The following STAU2 variants were observed in gnomAD, a reference collection of about 807,000 sequenced individuals.
The protein encoded by STAU2 is double-stranded RNA-binding protein Staufen homolog 2.
STAU2 carries 20 observed loss-of-function variants against 65.9 expected under a neutral mutation model. That is an observed-to-expected ratio of 0.30 (90% CI 0.21 to 0.44). The LOEUF (loss-of-function observed/expected upper bound fraction) is 0.44. STAU2 is among the 20% of genes least tolerant of loss of function. The probability of loss-of-function intolerance (pLI) is 1.00; values close to 1 mark genes in which losing one functional copy is unlikely to be tolerated. For synonymous variants in STAU2, 232 were observed against 233.9 expected (o/e 0.99, Z 0.07); for missense variants, 558 against 683.9 (o/e 0.82, Z 2.05).
chr8:73,602,447 G>A (rs940633106), intron 10 of STAU2, among the ~76,000 whole-genome samples: 11 of 152,126 alleles, frequency 7.2e-5, no homozygotes, highest in East Asian at 3.8e-4. Flanking sequence ...AGTGGCTCAC[G>A]CCTGTAATCC....
chr8:73,576,024 T>G (rs1809520135), intron 12 of STAU2, among the ~76,000 whole-genome samples: 1 of 151,978 alleles, frequency 6.6e-6, no homozygotes, highest in Admixed American at 6.6e-5. Context: ...AAATTGAAGG[T>G]AAAAAACGAT....
intron 13 of STAU2, among the ~76,000 whole-genome samples, chr8:73,519,008 T>C (rs1427151770): frequency 1.3e-5 from 2 of 152,350 alleles, no homozygotes; most frequent in South Asian, 2.1e-4. Context: ...TTAATATATC[T>C]GTCTTAGCAC....
At chr8:73,552,380 A>G in intron 12 of STAU2, 61 bp from the exon 13 acceptor site, 1 of 1,420,944 alleles carries the variant, frequency 7.0e-7, no homozygotes, top group South Asian at 1.4e-5. Context: ...GAAACATAGC[A>G]TTATTAACTC....
intron 4 of STAU2, among the ~76,000 whole-genome samples, chr8:73,692,844 C>A (rs1001143657): frequency 3.3e-5 from 5 of 152,266 alleles, no homozygotes; most frequent in East Asian, 1.9e-4. Flanking sequence ...TGGAAAAAAA[C>A]CCCACATATT....
intron 13 of STAU2, among the ~76,000 whole-genome samples, chr8:73,512,091 C>T (rs1456118037): frequency 6.6e-6 from 1 of 152,182 alleles, no homozygotes; most frequent in Non-Finnish European, 1.5e-5. Flanking sequence ...TCTGGACTCT[C>T]AATTCTGTTC....
intron 4 of STAU2, among the ~76,000 whole-genome samples, chr8:73,699,701 C>T (rs1432509546): frequency 6.6e-6 from 1 of 151,766 alleles, no homozygotes; most frequent in African/African-American, 2.4e-5. Flanking sequence ...AAGAAAAGGC[C>T]AGGACCCAAC....
At chr8:73,459,626 A>G (rs1819242569) in intron 13 of STAU2, among the ~76,000 whole-genome samples, 1 of 152,036 alleles carries the variant, frequency 6.6e-6, no homozygotes. Context: ...CAGCCCTACC[A>G]TGTGCAGAGC....
At chr8:73,687,890 T>C (rs527607701) in intron 5 of STAU2, among the ~76,000 whole-genome samples, 2 of 151,658 alleles carry the variant, frequency 1.3e-5, no homozygotes, top group South Asian at 4.2e-4. Context: ...TTTTTTGTAT[T>C]TTTTTAGTAG....
chr8:73,528,352 C>T (rs1161259176), intron 13 of STAU2, among the ~76,000 whole-genome samples: 1 of 152,120 alleles, frequency 6.6e-6, no homozygotes, highest in Non-Finnish European at 1.5e-5. Flanking sequence ...TTGTAATGTG[C>T]AGACCAAAAT....
Position 73,595,211 on chromosome 8 carries a change from T to C in STAU2, c.1116A>G (p.Gln372=). ...KKNAAEAMLL[Q]LGYKASTNLQ... is the part of the protein sequence containing the mutation. ...GATTAGTGGATGCTTTATAACCAAGTTGTAACAGCATTGCTTCTGCAGCAT... is the reference window on the plus strand; with the variant it reads ...GATTAGTGGATGCTTTATAACCAAGCTGTAACAGCATTGCTTCTGCAGCAT... The change falls in exon 11 of 15, where the codon CAA becomes CAG. Residue 372 remains glutamine, a synonymous_variant. Transcript: ENST00000524300. 1 of 1,611,108 alleles carries C rather than the reference T, an allele frequency of 6.2e-7. No individual in the cohort carries two copies. The highest frequency in any genetic ancestry group is 8.5e-7 in the Non-Finnish European group (1 of 1,178,914).
At chr8:73,444,740 G>A (rs1818374573) in intron 13 of STAU2, among the ~76,000 whole-genome samples, 1 of 152,182 alleles carries the variant, frequency 6.6e-6, no homozygotes, top group Non-Finnish European at 1.5e-5. Context: ...TGGCTGTCTG[G>A]CTCACAAAGC....
At chr8:73,463,281 T>C (rs958135183) in intron 13 of STAU2, among the ~76,000 whole-genome samples, 5 of 152,248 alleles carry the variant, frequency 3.3e-5, no homozygotes, top group Admixed American at 3.3e-4. Flanking sequence ...TGCTGGTCTA[T>C]TTTTACTTTC....
At chr8:73,480,026 C>T (rs1324452842) in intron 13 of STAU2, among the ~76,000 whole-genome samples, 1 of 151,976 alleles carries the variant, frequency 6.6e-6, no homozygotes, top group Non-Finnish European at 1.5e-5. Flanking sequence ...AGTTTGTTTT[C>T]TAAAACACAG....
intron 3 of STAU2, among the ~76,000 whole-genome samples, chr8:73,730,286 T>C (rs1805949895): frequency 6.6e-6 from 1 of 152,230 alleles, no homozygotes; most frequent in African/African-American, 2.4e-5. Context: ...TTGTAAATTT[T>C]CCAGTATTCC....
At chr8:73,621,465 T>C (rs1813228735) in intron 6 of STAU2, among the ~76,000 whole-genome samples, 1 of 152,218 alleles carries the variant, frequency 6.6e-6, no homozygotes, top group Non-Finnish European at 1.5e-5. Flanking sequence ...ACTAACACAG[T>C]AGGTATAATA....
intron 3 of STAU2, among the ~76,000 whole-genome samples, chr8:73,712,505 T>G (rs1820973123): frequency 6.6e-6 from 1 of 152,230 alleles, no homozygotes; most frequent in Non-Finnish European, 1.5e-5. Flanking sequence ...GATTAAAAAT[T>G]CATTATTATT....
intron 3 of STAU2, among the ~76,000 whole-genome samples, chr8:73,721,411 A>G (rs1821679969): frequency 6.6e-6 from 1 of 150,938 alleles, no homozygotes; most frequent in African/African-American, 2.4e-5. Flanking sequence ...AGAGTGTTCT[A>G]TAAATGCAAT....
chr8:73,587,603 G>C (rs1189463751), intron 11 of STAU2, among the ~76,000 whole-genome samples: 2 of 152,240 alleles, frequency 1.3e-5, no homozygotes, highest in Non-Finnish European at 1.5e-5. Context: ...ACAGAAAGAT[G>C]TAGAAAAGTG....
chr8:73,421,499 C>A (rs2130478818), intron 14 of STAU2, 34 bp from the exon 15 acceptor site: 1 of 1,533,550 alleles, frequency 6.5e-7, no homozygotes, highest in Non-Finnish European at 8.7e-7. Context: ...GAGCTGAAGG[C>A]CTGGGGTTGC....
Sources: gnomAD v4.1 joint callset for allele counts (sites outside exome capture counted in the v4.1 genomes callset) on GRCh38, gnomAD v4.1.1 for gene constraint, MANE v1.5 for transcripts, NCBI Gene and HGNC (gene_info 2026-07-23, HGNC 2026-07-21) for gene names.